Variants in MTHFD1L observed in about 807,000 individuals in gnomAD.
MTHFD1L encodes monofunctional C1-tetrahydrofolate synthase, mitochondrial.
MTHFD1L carries 81 observed loss-of-function variants against 119.5 expected under a neutral mutation model. The observed-to-expected ratio is 0.68, with a 90% CI of 0.57 to 0.82. The LOEUF is 0.82. Ranked by LOEUF, MTHFD1L falls within the 40% of genes least tolerant of loss-of-function variation. MTHFD1L has a pLI of 0.00. For synonymous variants in MTHFD1L, 430 were observed against 475.2 expected, an observed-to-expected ratio of 0.90 and a Z score of 1.24; for missense variants, 1,125 against 1,253.4, an observed-to-expected ratio of 0.90 and a Z score of 1.55.
intron 18 of MTHFD1L, among the ~76,000 whole-genome samples, chr6:150,962,009 G>A (rs1796514207): frequency 6.6e-6 from 1 of 151,934 alleles, no homozygotes. Flanking sequence ...TTGTTTTTGA[G>A]ATGGAGTTTC....
At chr6:150,991,666 G>C (rs1468105469) in intron 20 of MTHFD1L, among the ~76,000 whole-genome samples, 2 of 152,198 alleles carry the variant, frequency 1.3e-5, no homozygotes, top group African/African-American at 4.8e-5. Flanking sequence ...GCATGTGACT[G>C]TAGCTGACAA....
At chr6:151,004,636 G>A (rs1299856715) in intron 20 of MTHFD1L, among the ~76,000 whole-genome samples, 2 of 152,276 alleles carry the variant, frequency 1.3e-5, no homozygotes, top group Non-Finnish European at 2.9e-5. Flanking sequence ...TCTGTTTCCT[G>A]TACAGGTTGC....
intron 20 of MTHFD1L, among the ~76,000 whole-genome samples, chr6:150,981,463 T>G (rs1777485645): frequency 6.6e-6 from 1 of 152,222 alleles, no homozygotes. Context: ...TCATTGCACA[T>G]TAGAATCACA....
At chr6:150,979,978 A>T (rs4869709) in intron 20 of MTHFD1L, among the ~76,000 whole-genome samples, 67,188 of 147,424 alleles carry the variant, frequency 0.46, 17,009 homozygotes, top group African/African-American at 0.67. Context: ...ATCCACCTTT[A>T]AAAAAAAAAA....
chr6:151,009,932 C>G lies in MTHFD1L; in HGVS notation c.2239C>G (p.Leu747Val). ...VVVLVATVRA[L>V]KMHGGGPSVT... is the part of the protein sequence containing the mutation. ...TGTGTTAGTGGCAACGGTGCGAGCTCTGAAGATGCATGGAGGCGGGCCAAG... is the reference window on the plus strand; with the variant it reads ...TGTGTTAGTGGCAACGGTGCGAGCTGTGAAGATGCATGGAGGCGGGCCAAG... Residue 747 changes from leucine to valine, a missense_variant, in exon 21 of 28, where the codon CTG (leucine) becomes GTG (valine). This residue lies in a region of MTHFD1L where 1,058 missense variants were observed against 1,151.2 expected (regional missense o/e 0.92). Coordinates refer to ENST00000367321, the MANE Select transcript of MTHFD1L (RefSeq NM_015440.5). 2 of 1,611,720 alleles carry G rather than the reference C, an allele frequency of 1.2e-6. No homozygotes were observed.
chr6:150,948,582 C>T (rs1794373876), intron 15 of MTHFD1L, among the ~76,000 whole-genome samples: 1 of 152,120 alleles, frequency 6.6e-6, no homozygotes, highest in Non-Finnish European at 1.5e-5. Flanking sequence ...CCTCCACCTT[C>T]CAAAGTGCTG....
intron 20 of MTHFD1L, among the ~76,000 whole-genome samples, chr6:151,004,358 G>A (rs1054063000): frequency 3.9e-5 from 6 of 152,060 alleles, no homozygotes; most frequent in Non-Finnish European, 5.9e-5. Context: ...CCTAATTATC[G>A]CTGCAGCTTT....
intron 11 of MTHFD1L, among the ~76,000 whole-genome samples, chr6:150,931,325 A>T (rs1279932831): frequency 2.2e-5 from 3 of 133,362 alleles, no homozygotes; most frequent in African/African-American, 5.4e-5. Flanking sequence ...TGGATTTTTT[A>T]AAAATGTTTC....
intron 20 of MTHFD1L, among the ~76,000 whole-genome samples, chr6:150,998,017 G>T (rs1051032781): frequency 6.6e-6 from 1 of 152,172 alleles, no homozygotes; most frequent in Non-Finnish European, 1.5e-5. Context: ...ACTCTTGAAT[G>T]TTTAACTGAA....
At chr6:150,996,806 G>A (rs895815225) in intron 20 of MTHFD1L, among the ~76,000 whole-genome samples, 4 of 145,116 alleles carry the variant, frequency 2.8e-5, no homozygotes, top group Admixed American at 2.1e-4. Context: ...CTGAAAGTAG[G>A]CGTGTAGAAG....
chr6:150,982,190 A>G (rs929147398), intron 20 of MTHFD1L, among the ~76,000 whole-genome samples: 5 of 152,154 alleles, frequency 3.3e-5, no homozygotes, highest in Non-Finnish European at 7.3e-5. Context: ...ACTTTTTAAA[A>G]GGATAAATAA....
intron 24 of MTHFD1L, among the ~76,000 whole-genome samples, chr6:151,017,731 C>T (rs923805776): frequency 6.6e-6 from 1 of 151,686 alleles, no homozygotes; most frequent in Non-Finnish European, 1.5e-5. Context: ...TGGATGGACA[C>T]TTGAGCTCCC....
At chr6:151,078,264 C>T (rs1157118702) in intron 26 of MTHFD1L, among the ~76,000 whole-genome samples, 1 of 151,850 alleles carries the variant, frequency 6.6e-6, no homozygotes, top group African/African-American at 2.4e-5. Flanking sequence ...GTACAGAGAC[C>T]CCATGTCTAC....
At chr6:151,009,045 C>T (rs1641004059) in intron 20 of MTHFD1L, among the ~76,000 whole-genome samples, 1 of 150,244 alleles carries the variant, frequency 6.7e-6, no homozygotes, top group Non-Finnish European at 1.5e-5. Flanking sequence ...TCGCTTGAAC[C>T]CGGGAGGCGG....
chr6:150,953,652 T>G (rs965072300), intron 16 of MTHFD1L, among the ~76,000 whole-genome samples: 1 of 152,206 alleles, frequency 6.6e-6, no homozygotes, highest in Non-Finnish European at 1.5e-5. Flanking sequence ...GATGCATCAC[T>G]TACCGGGCCA....
At position 150,981,520 on chromosome 6, in the gene MTHFD1L, A is replaced by G. The variant is rs535977714; in HGVS notation, c.2125+9462A>G. Among the ~76,000 whole-genome samples the G allele has an allele frequency of 7.2e-5, 11 of 152,330 alleles. 1 individual carries two copies. The South Asian group carries it at 2.1e-3, about 29-fold the overall frequency. ...TTTTTTATGTGTTTTCAAATTTTAT[A>G]TATTAATAGATATTAACTGACTGCA... On this transcript the variant is annotated intron_variant, in intron 20 of 27. Coordinates refer to ENST00000367321, the MANE Select transcript of MTHFD1L (RefSeq NM_015440.5).
chr6:151,055,321 A>G (rs957268106), intron 26 of MTHFD1L, among the ~76,000 whole-genome samples: 1 of 152,088 alleles, frequency 6.6e-6, no homozygotes, highest in African/African-American at 2.4e-5. Context: ...GGTGCCAGCT[A>G]GTGCTCTGAG....
Position 150,905,907 on chromosome 6 carries a change from C to T in MTHFD1L, c.892+146C>T, listed in dbSNP as rs1785822441. 10 of 637,538 alleles carry T rather than the reference C, an allele frequency of 1.6e-5. 1 individual carries two copies. In the South Asian group the frequency reaches 1.8e-4, roughly 12 times the overall value. The allele number at this position is 637,538 out of a possible 1,614,324, so 39.5% of individuals were successfully genotyped here. On this transcript the variant is annotated intron_variant, in intron 8 of 27. Transcript: ENST00000367321. The stretch of plus-strand genomic sequence containing the variant: ...GGTAGGAAACTTAGACTGTGGGCTA[C>T]CTGATAGAACCATGCTGTTGAGCAA...
intron 19 of MTHFD1L, among the ~76,000 whole-genome samples, chr6:150,969,055 G>A (rs1485856144): frequency 6.6e-6 from 1 of 151,768 alleles, no homozygotes; most frequent in Non-Finnish European, 1.5e-5. Flanking sequence ...TACCATGTTG[G>A]CCAGGCTGGT....
Sources: allele counts gnomAD v4.1 joint callset (sites outside exome capture counted in the v4.1 genomes callset), GRCh38; gene constraint gnomAD v4.1.1; regional missense constraint gnomAD v4.1.1; transcripts MANE v1.5; gene names NCBI Gene and HGNC (gene_info 2026-07-23, HGNC 2026-07-21).